Variants in UBE2D2 observed in about 807,000 individuals in gnomAD.
The protein encoded by UBE2D2 is ubiquitin conjugating enzyme E2 D2.
UBE2D2 carries 2 observed loss-of-function variants against 24.2 expected under a neutral mutation model. That is an observed-to-expected ratio of 0.08 (90% CI 0.03 to 0.26). The LOEUF is 0.26. Among genes scored for constraint, UBE2D2 ranks in the 10% least tolerant of loss-of-function variants. UBE2D2 has a pLI of 1.00. For missense variants in UBE2D2, 44 were observed against 177.6 expected, an observed-to-expected ratio of 0.25 and a Z score of 4.28; for synonymous variants, 58 against 56.5, an observed-to-expected ratio of 1.03 and a Z score of -0.12.
intron 1 of UBE2D2, among the ~76,000 whole-genome samples, chr5:139,554,614 A>G (rs1165773913): frequency 6.6e-6 from 1 of 152,168 alleles, no homozygotes; most frequent in East Asian, 1.9e-4. Context: ...TGGACTATAT[A>G]CAAAAAAGGC....
chr5:139,574,423 G>A (rs1419566674), intron 1 of UBE2D2, among the ~76,000 whole-genome samples: 2 of 151,748 alleles, frequency 1.3e-5, no homozygotes, highest in Non-Finnish European at 2.9e-5. Context: ...CATGTTCTCC[G>A]GTCTTTGTTC....
At chr5:139,534,220 G>A (rs1391805631) in intron 1 of UBE2D2, among the ~76,000 whole-genome samples, 1 of 151,500 alleles carries the variant, frequency 6.6e-6, no homozygotes, top group Admixed American at 6.6e-5. Flanking sequence ...ATCACCTGAG[G>A]TCAGGAGTTC....
At chr5:139,614,366 G>T (rs1754382759) in intron 2 of UBE2D2, among the ~76,000 whole-genome samples, 1 of 152,034 alleles carries the variant, frequency 6.6e-6, no homozygotes, top group Admixed American at 6.6e-5. Context: ...ACCACACCTG[G>T]CTCTAAATAT....
chr5:139,543,573 C>T (rs1027565514), intron 1 of UBE2D2, among the ~76,000 whole-genome samples: 15 of 152,226 alleles, frequency 9.9e-5, no homozygotes, highest in Non-Finnish European at 4.4e-5. Context: ...GGGGACCGGA[C>T]GGAGCCTCGG....
chr5:139,572,152 A>G (rs976067271), intron 1 of UBE2D2, among the ~76,000 whole-genome samples: 2 of 152,200 alleles, frequency 1.3e-5, no homozygotes, highest in African/African-American at 4.8e-5. Flanking sequence ...GTAATAGTTG[A>G]CATGATTTTC....
intron 2 of UBE2D2, among the ~76,000 whole-genome samples, chr5:139,611,287 A>G (rs532042100): frequency 7.0e-6 from 1 of 143,644 alleles, no homozygotes; most frequent in Admixed American, 7.6e-5. Flanking sequence ...CCGAGTTTCA[A>G]GTGATTCTCC....
At chr5:139,593,252 C>T (rs1385968874) in intron 1 of UBE2D2, among the ~76,000 whole-genome samples, 1 of 151,944 alleles carries the variant, frequency 6.6e-6, no homozygotes, top group Non-Finnish European at 1.5e-5. Context: ...CCTCGGCCTC[C>T]CAAAGTGCTG....
At chr5:139,549,749 C>T (rs532555012) in intron 1 of UBE2D2, among the ~76,000 whole-genome samples, 21 of 152,338 alleles carry the variant, frequency 1.4e-4, no homozygotes, top group East Asian at 3.9e-4. Flanking sequence ...GCGGGACTAG[C>T]GGGCAACTCC....
At chr5:139,528,081 T>G (rs1290058263) in intron 1 of UBE2D2, among the ~76,000 whole-genome samples, 1 of 152,258 alleles carries the variant, frequency 6.6e-6, no homozygotes, top group Non-Finnish European at 1.5e-5. Context: ...CCATGCAGCT[T>G]CTGTCTCCCA....
intron 1 of UBE2D2, chr5:139,554,750 A>C (rs909673540): frequency 6.6e-6 from 1 of 151,168 alleles, no homozygotes; most frequent in African/African-American, 2.4e-5. Flanking sequence ...ATCACCAAAC[A>C]GTTCTCCTAA....
At chr5:139,621,792 T>A (rs559237837) in intron 5 of UBE2D2, among the ~76,000 whole-genome samples, 1 of 152,240 alleles carries the variant, frequency 6.6e-6, no homozygotes, top group East Asian at 1.9e-4. Context: ...CCAGCTAATA[T>A]TTTTATTTTT....
At chr5:139,590,852 T>C (rs2126676035) in intron 1 of UBE2D2, among the ~76,000 whole-genome samples, 1 of 134,718 alleles carries the variant, frequency 7.4e-6, no homozygotes, top group Middle Eastern at 4.2e-3. Flanking sequence ...TGGAGTGCAG[T>C]GGCGCGATCT....
intron 1 of UBE2D2, among the ~76,000 whole-genome samples, chr5:139,527,945 G>C (rs1472048366): frequency 1.3e-5 from 2 of 152,214 alleles, no homozygotes; most frequent in Admixed American, 1.3e-4. Flanking sequence ...CACTAAGGTG[G>C]TCCTCTAGTC....
At chr5:139,532,143 T>A (rs1354927742) in intron 1 of UBE2D2, among the ~76,000 whole-genome samples, 2 of 151,564 alleles carry the variant, frequency 1.3e-5, no homozygotes, top group Non-Finnish European at 2.9e-5. Flanking sequence ...TCCTTTGACA[T>A]AGCAATATTA....
intron 1 of UBE2D2, among the ~76,000 whole-genome samples, chr5:139,532,421 G>T (rs184255438): frequency 1.3e-5 from 2 of 151,102 alleles, no homozygotes; most frequent in African/African-American, 4.9e-5. Flanking sequence ...GCACGATCTC[G>T]GCTCACTGCA....
intron 1 of UBE2D2, among the ~76,000 whole-genome samples, chr5:139,550,266 T>A (rs943546473): frequency 6.6e-6 from 1 of 152,104 alleles, no homozygotes; most frequent in African/African-American, 2.4e-5. Flanking sequence ...CACCAATCAG[T>A]GCTCTGTGTC....
At chr5:139,572,806 G>A (rs1186602860) in intron 1 of UBE2D2, among the ~76,000 whole-genome samples, 3 of 151,538 alleles carry the variant, frequency 2.0e-5, no homozygotes, top group South Asian at 2.1e-4. Flanking sequence ...ATGCACCACC[G>A]TGCCTGGCTG....
chr5:139,560,903 A>C (rs1349991431), upstream of UBE2D2, among the ~76,000 whole-genome samples: 1 of 152,098 alleles, frequency 6.6e-6, no homozygotes, highest in Non-Finnish European at 1.5e-5. Flanking sequence ...CTCTGGAAAG[A>C]GATGTGCTAA....
upstream of UBE2D2, among the ~76,000 whole-genome samples, chr5:139,558,786 T>A (rs1227123484): frequency 2.0e-5 from 3 of 152,144 alleles, no homozygotes; most frequent in Non-Finnish European, 4.4e-5. Context: ...CTTATAGGTA[T>A]GTCTTACAAC....
Sources: gnomAD v4.1 joint callset for allele counts (sites outside exome capture counted in the v4.1 genomes callset) on GRCh38, gnomAD v4.1.1 for gene constraint, MANE v1.5 for transcripts, NCBI Gene and HGNC (gene_info 2026-07-23, HGNC 2026-07-21) for gene names.